Variants in ITFG1 observed in about 807,000 individuals in gnomAD.
ITFG1 encodes T-cell immunomodulatory protein.
A neutral mutation model predicts 81.8 loss-of-function variants in ITFG1; 34 were observed. The ratio of observed to expected loss-of-function variants is 0.42; its 90% CI spans 0.32 to 0.55. The LOEUF (loss-of-function observed/expected upper bound fraction) is 0.55. Ranked by LOEUF, ITFG1 falls within the 20% of genes least tolerant of loss-of-function variation. The probability of loss-of-function intolerance (pLI) is 0.17; values close to 1 mark genes in which losing one functional copy is unlikely to be tolerated. For missense variants in ITFG1, 672 were observed against 755.4 expected, an observed-to-expected ratio of 0.89 and a Z score of 1.29; for synonymous variants, 285 against 270.6, an observed-to-expected ratio of 1.05 and a Z score of -0.52.
intron 6 of ITFG1, among the ~76,000 whole-genome samples, chr16:47,402,332 CTA>C (rs1329092105): frequency 6.6e-6 from 1 of 152,236 alleles, no homozygotes; most frequent in South Asian, 2.1e-4. Flanking sequence ...CATGGTGTAA[CTA>C]TGTGTGTACA....
At chr16:47,365,631 T>C in intron 8 of ITFG1, 157 bp downstream of exon 8, 1 of 509,206 alleles carries the variant, frequency 2.0e-6, no homozygotes, top group Non-Finnish European at 3.5e-6. Flanking sequence ...ACATGTCACA[T>C]ACAATACTAT....
At chr16:47,260,450 G>T in intron 11 of ITFG1, 95 bp downstream of exon 11, 3 of 1,330,800 alleles carry the variant, frequency 2.3e-6, no homozygotes, top group Admixed American at 2.0e-5. Context: ...TTTTTGTTGT[G>T]TTGTCCACAT....
chr16:47,272,896 T>C (rs1416104975), intron 10 of ITFG1, among the ~76,000 whole-genome samples: 1 of 149,596 alleles, frequency 6.7e-6, no homozygotes, highest in East Asian at 1.9e-4. Flanking sequence ...AATATGCCAA[T>C]ATTTGTATAT....
intron 8 of ITFG1, 185 bp downstream of exon 8, chr16:47,365,603 T>C: frequency 4.2e-6 from 2 of 471,518 alleles, no homozygotes; most frequent in East Asian, 3.0e-5. Flanking sequence ...AATTTCTCCT[T>C]ATTTCATTAA....
intron 6 of ITFG1, among the ~76,000 whole-genome samples, chr16:47,415,928 T>C (rs575859779): frequency 4.3e-4 from 66 of 152,016 alleles, no homozygotes; most frequent in Non-Finnish European, 8.8e-4. Context: ...ACCCCGTCTC[T>C]ACTAAAAATA....
chr16:47,274,189 G>GGA (rs1966373746), intron 10 of ITFG1, among the ~76,000 whole-genome samples: 1 of 152,038 alleles, frequency 6.6e-6, no homozygotes, highest in Admixed American at 6.6e-5. Context: ...CCTGGGAGGT[G>GGA]GAGGTTGTGG....
chr16:47,411,299 G>A (rs1968807556), intron 6 of ITFG1, among the ~76,000 whole-genome samples: 1 of 152,168 alleles, frequency 6.6e-6, no homozygotes, highest in East Asian at 1.9e-4. Context: ...GCCACAGCCT[G>A]TGACTGAAGT....
intron 14 of ITFG1, among the ~76,000 whole-genome samples, chr16:47,174,788 G>C (rs962964875): frequency 6.6e-6 from 1 of 152,150 alleles, no homozygotes; most frequent in African/African-American, 2.4e-5. Flanking sequence ...CCAAAGTGCT[G>C]GGATTACAGG....
chr16:47,346,458 T>C (rs528495568), intron 8 of ITFG1, among the ~76,000 whole-genome samples: 156 of 152,236 alleles, frequency 1.0e-3, no homozygotes, highest in African/African-American at 3.7e-3. Context: ...TAAACACATA[T>C]CTCAGAAAAG....
At chr16:47,387,558 C>T (rs1438967473) in intron 6 of ITFG1, among the ~76,000 whole-genome samples, 1 of 152,134 alleles carries the variant, frequency 6.6e-6, no homozygotes, top group African/African-American at 2.4e-5. Flanking sequence ...CTCACCCAGG[C>T]CCCACCTCCA....
At chr16:47,201,318 C>T (rs1303651997) in intron 14 of ITFG1, among the ~76,000 whole-genome samples, 1 of 151,586 alleles carries the variant, frequency 6.6e-6, no homozygotes, top group East Asian at 2.0e-4. Flanking sequence ...ACGCATTTCT[C>T]CTGCCTCAGC....
At chr16:47,303,854 TTC>T (rs1967115799) in intron 10 of ITFG1, among the ~76,000 whole-genome samples, 1 of 152,156 alleles carries the variant, frequency 6.6e-6, no homozygotes, top group Non-Finnish European at 1.5e-5. Context: ...GGTGTTGAAC[TTC>T]TGGGCTCAAG....
chr16:47,162,564 AC>A lies in ITFG1; in HGVS notation c.1553del (p.Gly518ValfsTer25). On this transcript the variant is annotated frameshift_variant, in exon 15 of 18. Transcript: ENST00000320640. LOFTEE classifies it high-confidence loss of function. The stretch of plus-strand genomic sequence containing the variant: ...CTTTTTCTCCAGATGGACGGGGAAT[AC>A]CAACGTAGAGATGGTCAAGAAAATT... ...SANFLDHLYV[G>X]IPRPSGEKSI... 1 of 1,607,892 alleles carries A rather than the reference AC, an allele frequency of 6.2e-7. No homozygotes were observed. The highest frequency in any genetic ancestry group is 8.5e-7 in the Non-Finnish European group (1 of 1,176,706).
chr16:47,379,554 G>A (rs1019182954), intron 6 of ITFG1, among the ~76,000 whole-genome samples: 2 of 152,024 alleles, frequency 1.3e-5, no homozygotes, highest in Non-Finnish European at 2.9e-5. Context: ...CAGGCGTGGT[G>A]GTGTGCATCT....
chr16:47,171,320 T>G (rs1283461511), intron 14 of ITFG1, among the ~76,000 whole-genome samples: 1 of 152,198 alleles, frequency 6.6e-6, no homozygotes, highest in Non-Finnish European at 1.5e-5. Flanking sequence ...GATTGTCTAA[T>G]TTGTTGATAT....
intron 8 of ITFG1, among the ~76,000 whole-genome samples, chr16:47,333,687 G>A (rs1001162688): frequency 6.6e-6 from 1 of 152,290 alleles, no homozygotes; most frequent in African/African-American, 2.4e-5. Flanking sequence ...TTGGCTTTAG[G>A]ACTAGAGGTA....
intron 10 of ITFG1, among the ~76,000 whole-genome samples, chr16:47,274,338 A>T (rs532579332): frequency 6.6e-6 from 1 of 152,262 alleles, no homozygotes; most frequent in African/African-American, 2.4e-5. Flanking sequence ...GAGTTAACAG[A>T]ATTGCCCACC....
intron 12 of ITFG1, among the ~76,000 whole-genome samples, chr16:47,246,056 G>A (rs987210065): frequency 1.4e-4 from 21 of 152,076 alleles, no homozygotes; most frequent in African/African-American, 5.1e-4. Flanking sequence ...TCTGTGTCTT[G>A]GTTAGCATAG....
chr16:47,210,370 C>T (rs964322534), intron 14 of ITFG1, among the ~76,000 whole-genome samples: 1 of 152,038 alleles, frequency 6.6e-6, no homozygotes, highest in Non-Finnish European at 1.5e-5. Flanking sequence ...TGTCTCTTGT[C>T]CATGTTTTAA....
Sources: gnomAD v4.1 joint callset for allele counts (sites outside exome capture counted in the v4.1 genomes callset) on GRCh38, gnomAD v4.1.1 for gene constraint, MANE v1.5 for transcripts, NCBI Gene and HGNC (gene_info 2026-07-23, HGNC 2026-07-21) for gene names.